Variants in SUMF1 observed in about 807,000 individuals in gnomAD.
SUMF1 encodes formylglycine-generating enzyme.
A neutral mutation model predicts 47.6 loss-of-function variants in SUMF1; 48 were observed. The ratio of observed to expected loss-of-function variants is 1.01; its 90% CI spans 0.80 to 1.28. SUMF1 has a LOEUF of 1.28. SUMF1 is among the 50% of genes most tolerant of loss of function. The pLI, the probability that SUMF1 is intolerant of heterozygous loss-of-function variation, is 0.00. For missense variants in SUMF1, 571 were observed against 485.4 expected, an observed-to-expected ratio of 1.18 and a Z score of -1.66; for synonymous variants, 230 against 192.1, an observed-to-expected ratio of 1.20 and a Z score of -1.63.
intron 1 of SUMF1, among the ~76,000 whole-genome samples, chr3:4,455,922 G>GA (rs1054102749): frequency 2.7e-5 from 4 of 149,642 alleles, no homozygotes; most frequent in African/African-American, 7.4e-5. Flanking sequence ...ACTACTAGAA[G>GA]AAAAAAAAAT....
chr3:4,116,457 A>G lies in SUMF1; in HGVS notation c.1015-47712T>C, dbSNP rs546612760. On this transcript the variant is annotated intron_variant and NMD_transcript_variant, in intron 8 of 12. Transcript: ENST00000448413. ...TTTCAAAAGAGTTATTTATTGCTAGATGGAGGTGTGAAGAAGCTTTTGGTT... is the reference window on the plus strand; with the variant it reads ...TTTCAAAAGAGTTATTTATTGCTAGGTGGAGGTGTGAAGAAGCTTTTGGTT... 1.6e-4 allele frequency among the ~76,000 whole-genome samples: 25 copies of G among 152,238 alleles called. No individual in the cohort carries two copies. In the South Asian group the frequency reaches 4.8e-3, roughly 29 times the overall value.
intron 2 of SUMF1, 36 bp from the exon 3 acceptor site, chr3:4,449,376 G>C: frequency 6.2e-7 from 1 of 1,605,808 alleles, no homozygotes; most frequent in Non-Finnish European, 8.5e-7. Context: ...TCCAGAAAAG[G>C]TTGTAGTAAT....
chr3:4,402,528 A>G (rs1238693106), intron 7 of SUMF1, among the ~76,000 whole-genome samples: 2 of 152,242 alleles, frequency 1.3e-5, no homozygotes, highest in Non-Finnish European at 1.5e-5. Flanking sequence ...GCCCGATACT[A>G]CAGTGGATAC....
chr3:4,129,444 AC>A (rs1378346260), intron 8 of SUMF1, among the ~76,000 whole-genome samples: 2 of 152,072 alleles, frequency 1.3e-5, no homozygotes, highest in African/African-American at 4.8e-5. Flanking sequence ...TAAGCAGAAA[AC>A]TTCTAGATCA....
chr3:4,058,624 A>T (rs1320135885), intron 9 of SUMF1, among the ~76,000 whole-genome samples: 1 of 152,190 alleles, frequency 6.6e-6, no homozygotes, highest in Admixed American at 6.5e-5. Flanking sequence ...GTAATCATAT[A>T]GGAGATGAGT....
intron 8 of SUMF1, among the ~76,000 whole-genome samples, chr3:4,188,666 T>C (rs772714315): frequency 9.9e-5 from 15 of 152,144 alleles, no homozygotes; most frequent in Admixed American, 2.6e-4. Flanking sequence ...GGGTCATATT[T>C]TGGCTCATCT....
chr3:4,230,286 C>G (rs981739492), intron 8 of SUMF1, among the ~76,000 whole-genome samples: 1 of 152,010 alleles, frequency 6.6e-6, no homozygotes, highest in Non-Finnish European at 1.5e-5. Flanking sequence ...AGGTTCAGTC[C>G]CACAAGACTG....
intron 8 of SUMF1, among the ~76,000 whole-genome samples, chr3:4,148,302 G>A (rs1475903860): frequency 2.0e-5 from 3 of 152,014 alleles, no homozygotes; most frequent in African/African-American, 7.3e-5. Context: ...TTTTTTATTG[G>A]CAGTTTTCAT....
chr3:4,159,591 C>T (rs1276590820), intron 8 of SUMF1, among the ~76,000 whole-genome samples: 1 of 151,982 alleles, frequency 6.6e-6, no homozygotes, highest in Non-Finnish European at 1.5e-5. Flanking sequence ...ACCACAATTA[C>T]AGTGTAATAC....
chr3:4,237,826 A>G lies in SUMF1; in HGVS notation c.1014+138504T>C, dbSNP rs929470466. On this transcript the variant is annotated intron_variant and NMD_transcript_variant, in intron 8 of 12. Coordinates refer to the SUMF1 transcript ENST00000448413. ...TTTAAGTGCTGGGATACATGTACAG[A>G]AAGTGCATGTTTGTTACATAGGTAT... 2.6e-5 allele frequency among the ~76,000 whole-genome samples: 4 copies of G among 152,142 alleles called. No individual in the cohort carries two copies. The South Asian group carries it at 8.3e-4, about 32-fold the overall frequency.
chr3:4,208,124 A>T (rs929569862), intron 8 of SUMF1, among the ~76,000 whole-genome samples: 1 of 152,168 alleles, frequency 6.6e-6, no homozygotes, highest in Non-Finnish European at 1.5e-5. Flanking sequence ...CAATTTTATT[A>T]TAGCCTAAAT....
At chr3:4,432,523 C>CA (rs1270436881) in intron 3 of SUMF1, among the ~76,000 whole-genome samples, 4 of 152,282 alleles carry the variant, frequency 2.6e-5, no homozygotes, top group Admixed American at 2.6e-4. Flanking sequence ...CCTGACCCTA[C>CA]ATCACAGTCC....
chr3:4,145,190 C>T (rs980211070), intron 8 of SUMF1, among the ~76,000 whole-genome samples: 9 of 60,284 alleles, frequency 1.5e-4, no homozygotes, highest in African/African-American at 5.0e-4. Flanking sequence ...GAAACTCCGT[C>T]TAAAAAAAAA....
At chr3:4,368,666 C>G (rs923476841) in intron 8 of SUMF1, among the ~76,000 whole-genome samples, 2 of 152,276 alleles carry the variant, frequency 1.3e-5, no homozygotes, top group African/African-American at 4.8e-5. Context: ...CTCATGTCTT[C>G]TTTCCCACTG....
chr3:4,248,373 A>G lies in SUMF1; in HGVS notation c.1014+127957T>C, dbSNP rs114838152. Among the ~76,000 whole-genome samples, 1,057 of 152,354 alleles carry G rather than the reference A, an allele frequency of 6.9e-3. 11 individuals are homozygous for G. The highest frequency in any genetic ancestry group is 0.024 in the African/African-American group (1,000 of 41,570). On this transcript the variant is annotated intron_variant and NMD_transcript_variant, in intron 8 of 12. Transcript: ENST00000448413. ...AATTCCAGAAGCTTTGCTGTATATT[A>G]AAAACCAGTACCTCATTAATTCAAG...
chr3:4,160,325 C>T (rs879850581), intron 8 of SUMF1, among the ~76,000 whole-genome samples: 19 of 151,908 alleles, frequency 1.3e-4, no homozygotes, highest in Non-Finnish European at 1.6e-4. Flanking sequence ...TTGCAATCTC[C>T]GCCTCCCAGG....
chr3:4,156,040 T>C (rs1316602483), intron 8 of SUMF1, among the ~76,000 whole-genome samples: 1 of 151,430 alleles, frequency 6.6e-6, no homozygotes, highest in African/African-American at 2.5e-5. Flanking sequence ...AAAGAAACCT[T>C]GCACACCAGA....
At chr3:4,297,627 C>T (rs1697880937) in intron 8 of SUMF1, among the ~76,000 whole-genome samples, 1 of 143,292 alleles carries the variant, frequency 7.0e-6, no homozygotes, top group South Asian at 2.2e-4. Context: ...GCCTGGAACT[C>T]CTGGCCTTGA....
chr3:4,342,752 G>A (rs761999607), intron 8 of SUMF1, among the ~76,000 whole-genome samples: 1 of 152,030 alleles, frequency 6.6e-6, no homozygotes, highest in Admixed American at 6.5e-5. Context: ...ACTATTACTC[G>A]AGAAATAGAG....
Sources: gnomAD v4.1 joint callset for allele counts (sites outside exome capture counted in the v4.1 genomes callset) on GRCh38, gnomAD v4.1.1 for gene constraint, MANE v1.5 for transcripts, NCBI Gene and HGNC (gene_info 2026-07-23, HGNC 2026-07-21) for gene names.